CFAP47: variants seen among roughly 807,000 people sequenced by gnomAD.
The protein encoded by CFAP47 is cilia- and flagella-associated protein 47.
A neutral mutation model predicts 148.1 loss-of-function variants in CFAP47; 29 were observed. The ratio of observed to expected loss-of-function variants is 0.20; its 90% CI spans 0.15 to 0.27. CFAP47 has a LOEUF of 0.27. CFAP47 is among the 10% of genes least tolerant of loss of function. CFAP47 has a pLI of 1.00. For missense variants in CFAP47, 1,872 were observed against 1,697.5 expected, an observed-to-expected ratio of 1.10 and a Z score of -1.81; for synonymous variants, 664 against 577.3, an observed-to-expected ratio of 1.15 and a Z score of -2.15.
At chrX:36,369,446 AT>A (rs1237630688) in intron 62 of CFAP47, among the ~76,000 whole-genome samples, 7 of 110,071 alleles carry the variant, frequency 6.4e-5, no homozygotes, top group African/African-American at 1.3e-4. Context: ...CTGGAGAGTG[AT>A]TTTTTTTAAA....
At chrX:36,004,189 C>T (rs1315337631) in intron 21 of CFAP47, among the ~76,000 whole-genome samples, 2 of 108,919 alleles carry the variant, frequency 1.8e-5, no homozygotes, top group Admixed American at 2.0e-4. Flanking sequence ...ATTAGCCAGG[C>T]TGGTCTCGAA....
intron 48 of CFAP47, among the ~76,000 whole-genome samples, chrX:36,246,375 A>G (rs1171824779): frequency 8.9e-6 from 1 of 111,974 alleles, no homozygotes; most frequent in Non-Finnish European, 1.9e-5. Flanking sequence ...CGTCTGTATT[A>G]GTCCACTGCT....
At chrX:36,302,013 A>G (rs1366172623) in intron 53 of CFAP47, among the ~76,000 whole-genome samples, 2 of 109,116 alleles carry the variant, frequency 1.8e-5, no homozygotes, top group Non-Finnish European at 3.8e-5. Context: ...AGCCAAAACA[A>G]TGACATTTGA....
chrX:36,225,937 G>T (rs781824336), intron 45 of CFAP47, among the ~76,000 whole-genome samples: 3 of 111,616 alleles, frequency 2.7e-5, no homozygotes, highest in African/African-American at 6.5e-5. Context: ...GCAAAGAGAA[G>T]AAACCAATTC....
chrX:36,220,842 C>G (rs1442669752), intron 45 of CFAP47, among the ~76,000 whole-genome samples: 1 of 111,074 alleles, frequency 9.0e-6, no homozygotes, highest in Non-Finnish European at 1.9e-5. Context: ...GAGAAAAAAG[C>G]AGATTATTTT....
At chrX:35,960,940 A>T (rs745637233) in intron 8 of CFAP47, among the ~76,000 whole-genome samples, 1 of 111,670 alleles carries the variant, frequency 9.0e-6, no homozygotes, top group East Asian at 2.8e-4. Flanking sequence ...CTTGCTCCTG[A>T]TCTGAGGGGA....
At chrX:36,114,546 A>C (rs906868329) in intron 33 of CFAP47, among the ~76,000 whole-genome samples, 2 of 111,042 alleles carry the variant, frequency 1.8e-5, no homozygotes, top group Non-Finnish European at 3.8e-5. Context: ...TTATTTTATG[A>C]CCTTGAGAGT....
chrX:36,336,492 G>A (rs1941608128), intron 57 of CFAP47, among the ~76,000 whole-genome samples: 1 of 111,242 alleles, frequency 9.0e-6, no homozygotes, highest in Non-Finnish European at 1.9e-5. Context: ...CTCCTAGACT[G>A]ACTATTTTGG....
intron 56 of CFAP47, 58 bp from the exon 57 acceptor site, chrX:36,319,151 G>A (rs1941459191): frequency 2.4e-5 from 13 of 548,817 alleles, no homozygotes; most frequent in South Asian, 1.1e-4. Context: ...CATCTCCACC[G>A]CTGTTTTTCT....
intron 4 of CFAP47, among the ~76,000 whole-genome samples, 183 bp downstream of exon 4, chrX:35,948,635 A>T (rs914629139): frequency 8.9e-6 from 1 of 112,117 alleles, no homozygotes; most frequent in Non-Finnish European, 1.9e-5. Flanking sequence ...AGAGGATAGC[A>T]TATGGGTACA....
chrX:36,017,928 T>G (rs1406417962), intron 22 of CFAP47, among the ~76,000 whole-genome samples: 2 of 111,502 alleles, frequency 1.8e-5, no homozygotes. Context: ...TGATAGGGAT[T>G]AGATTGACTC....
chrX:35,948,283 G>T, intron 3 of CFAP47, 31 bp from the exon 4 acceptor site: 8 of 1,166,478 alleles, frequency 6.9e-6, no homozygotes, highest in Non-Finnish European at 9.3e-6. Context: ...TAAGGGTCCA[G>T]ATGTAAATCA....
At chrX:35,941,261 G>T in intron 2 of CFAP47, 22 bp from the exon 3 acceptor site, 1 of 852,896 alleles carries the variant, frequency 1.2e-6, no homozygotes, top group Non-Finnish European at 1.7e-6. Flanking sequence ...TTAATTATGT[G>T]GCCTTCTTTT....
Position 35,953,723 on chromosome X carries a change from AGT to A in CFAP47, c.1174+8_1174+9del, listed in dbSNP as rs764268186. The A allele has an allele frequency of 7.7e-6, 9 of 1,176,430 alleles. No individual in the cohort carries two copies. In the East Asian group the frequency reaches 1.2e-4, roughly 16 times the overall value. ...GATGACTATAAAACCATCAAAAGTA[AGT>A]GTGAAATTAACAAAATTATCAAATC... On this transcript the variant is annotated splice_donor_5th_base_variant and intron_variant, in intron 7 of 63. Coordinates refer to ENST00000378653, the MANE Select transcript of CFAP47 (RefSeq NM_001304548.2).
intron 30 of CFAP47, among the ~76,000 whole-genome samples, chrX:36,089,583 C>A (rs1036338604): frequency 9.9e-5 from 11 of 110,564 alleles, no homozygotes; most frequent in African/African-American, 3.6e-4. Flanking sequence ...GCTTATATTC[C>A]AACTCTTCTG....
chrX:36,009,823 G>A (rs1937019538), intron 21 of CFAP47, among the ~76,000 whole-genome samples: 1 of 111,781 alleles, frequency 8.9e-6, no homozygotes, highest in South Asian at 3.7e-4. Flanking sequence ...ATTTAAAACT[G>A]TTTAGATTGT....
Position 36,299,020 on chromosome X carries a change from G to T in CFAP47, c.7730G>T (p.Arg2577Ile). ...ATACCTCTCTCTAATCCAAAAGATA[G>T]AGGTCTTCACTTAGAGGTGCAGTTA... ...IEIPLSNPKD[R>I]GLHLEVQLTS... Residue 2577 changes from arginine (R) to isoleucine (I), a missense_variant, in exon 52 of 64, where the codon AGA becomes ATA. By Grantham distance (97) the Arg-to-Ile change is moderately conservative. Transcript: ENST00000378653. 2 of 1,155,342 alleles carry T rather than the reference G, an allele frequency of 1.7e-6. No individual in the cohort carries two copies. Among genetic ancestry groups the T allele is most frequent in the Non-Finnish European group, 1.2e-6 (1 of 862,995 alleles).
chrX:35,943,824 A>AT (rs1241647498), intron 3 of CFAP47, among the ~76,000 whole-genome samples: 1 of 111,113 alleles, frequency 9.0e-6, no homozygotes, highest in Non-Finnish European at 1.9e-5. Context: ...ATTTTTTAAA[A>AT]TTTTTGTGGG....
At chrX:36,261,320 C>CTTTTTTTTTTTTTTT (rs143068749) in intron 49 of CFAP47, among the ~76,000 whole-genome samples, 2 of 20,450 alleles carry the variant, frequency 9.8e-5, no homozygotes, top group Non-Finnish European at 1.7e-4. Flanking sequence ...AGATACTATT[C>CTTTTTTTTTTTTTTT]TTTTTTTTTT....
Sources: gnomAD v4.1 joint callset for allele counts (sites outside exome capture counted in the v4.1 genomes callset) on GRCh38, gnomAD v4.1.1 for gene constraint, MANE v1.5 for transcripts, NCBI Gene and HGNC (gene_info 2026-07-23, HGNC 2026-07-21) for gene names.